Variants in PPP1R2 observed in about 807,000 individuals in gnomAD.
The protein encoded by PPP1R2 is protein phosphatase 1 regulatory inhibitor subunit 2.
Under a neutral mutation model 29.9 loss-of-function variants are expected in PPP1R2, and 16 were observed. The observed-to-expected ratio is 0.53, with a 90% CI of 0.36 to 0.81. The LOEUF (loss-of-function observed/expected upper bound fraction) is 0.81. Ranked by LOEUF, PPP1R2 falls within the 30% of genes least tolerant of loss-of-function variation. The pLI is 0.00. For synonymous variants in PPP1R2, 76 were observed against 91.5 expected, an observed-to-expected ratio of 0.83 and a Z score of 0.96; for missense variants, 197 against 252.7, an observed-to-expected ratio of 0.78 and a Z score of 1.49.
At chr3:195,520,289 C>T (rs1160921053) in intron 4 of PPP1R2, among the ~76,000 whole-genome samples, 1 of 152,126 alleles carries the variant, frequency 6.6e-6, no homozygotes, top group Non-Finnish European at 1.5e-5. Flanking sequence ...GGATTACAGG[C>T]ATGAGCCACT....
Position 195,516,794 on chromosome 3 carries a change from C to A in PPP1R2, c.*102G>T. ...TTGGCAATATATAATAACTGGTATG[C>A]ATTTTGGTACTTAAGTCATGAATTG... On this transcript the variant is annotated 3_prime_UTR_variant, in exon 6 of 6. Transcript: ENST00000618156. 1 of 920,896 alleles carries A rather than the reference C, an allele frequency of 1.1e-6. No individual in the cohort carries two copies. The highest frequency in any genetic ancestry group is 1.7e-6 in the Non-Finnish European group (1 of 577,030). The allele number at this position is 920,896 out of a possible 1,614,324, so 57.0% of individuals were successfully genotyped here.
At chr3:195,523,465 T>C (rs1003867468) in intron 4 of PPP1R2, among the ~76,000 whole-genome samples, 1 of 152,246 alleles carries the variant, frequency 6.6e-6, no homozygotes, top group African/African-American at 2.4e-5. Flanking sequence ...ATAATACTTA[T>C]AATTACTTTA....
intron 2 of PPP1R2, chr3:195,527,911 T>G: frequency 2.7e-6 from 1 of 372,682 alleles, no homozygotes. Flanking sequence ...ACCTGCAATT[T>G]AGGAGAAAAA....
chr3:195,522,694 TACAA>T (rs1342716649), intron 4 of PPP1R2, among the ~76,000 whole-genome samples: 2 of 152,204 alleles, frequency 1.3e-5, no homozygotes, highest in African/African-American at 2.4e-5. Context: ...ATTTCTCTCG[TACAA>T]ATATTAGGCT....
intron 5 of PPP1R2, among the ~76,000 whole-genome samples, chr3:195,518,500 A>T (rs1718632264): frequency 1.3e-5 from 2 of 151,854 alleles, no homozygotes; most frequent in Admixed American, 6.6e-5. Flanking sequence ...AAATACAAAA[A>T]ATCAGCCAGG....
intron 4 of PPP1R2, among the ~76,000 whole-genome samples, chr3:195,522,854 A>C (rs895904001): frequency 6.6e-6 from 1 of 152,204 alleles, no homozygotes; most frequent in African/African-American, 2.4e-5. Context: ...TCCCTACGCC[A>C]CAACACTTCA....
chr3:195,532,198 T>C (rs189593489), intron 1 of PPP1R2, among the ~76,000 whole-genome samples: 16 of 93,600 alleles, frequency 1.7e-4, no homozygotes, highest in African/African-American at 5.7e-4. Flanking sequence ...GCCCAGCTAA[T>C]TTTTCTTTTT....
chr3:195,534,432 T>A (rs1719297165), intron 1 of PPP1R2, among the ~76,000 whole-genome samples: 1 of 152,128 alleles, frequency 6.6e-6, no homozygotes, highest in Non-Finnish European at 1.5e-5. Context: ...ACAAAGGACA[T>A]TTATTTATAA....
intron 4 of PPP1R2, among the ~76,000 whole-genome samples, chr3:195,522,894 C>T (rs147752967): frequency 5.9e-5 from 9 of 152,340 alleles, no homozygotes; most frequent in African/African-American, 1.9e-4. Context: ...TTCCTTCTTC[C>T]TCTTTTTTGT....
chr3:195,528,051 G>T, intron 2 of PPP1R2: 1 of 307,756 alleles, frequency 3.2e-6, no homozygotes, highest in South Asian at 2.7e-5. Flanking sequence ...GGTTACACAG[G>T]TAAGTTCTTC....
At chr3:195,532,616 C>CA (rs1201932990) in intron 1 of PPP1R2, among the ~76,000 whole-genome samples, 7 of 150,270 alleles carry the variant, frequency 4.7e-5, no homozygotes, top group Admixed American at 1.3e-4. Context: ...ATAGAGAAGC[C>CA]AAAAAAAAAT....
In PPP1R2 at chr3:195,515,126, C is replaced by T. The variant is rs1292215673; in HGVS notation, c.*1770G>A. 9 of 191,288 alleles carry T rather than the reference C, an allele frequency of 4.7e-5. No individual in the cohort carries two copies. The East Asian group carries it at 1.4e-3, about 30-fold the overall frequency. The allele number at this position is 191,288 out of a possible 1,614,324, so 11.8% of individuals were successfully genotyped here. A position where few individuals can be genotyped will look rare whatever the true frequency, so the allele number is the denominator to read the frequency against. On this transcript the variant is annotated 3_prime_UTR_variant, in exon 6 of 6. Transcript: ENST00000618156. ...ATGTACAGACTTAATCTCTACATCC[C>T]CCAAGACAGATTTAAACAGGTAATC...
chr3:195,524,834 T>A lies in PPP1R2; in HGVS notation c.293A>T (p.Asp98Val). The change falls in exon 3 of 6, where the codon GAC becomes GTC. Residue 98 changes from aspartate to valine, a missense_variant. Around this residue, in one of 3 missense-constraint regions of PPP1R2, gnomAD observed 135 missense variants for 163.0 expected, o/e 0.83. Transcript: ENST00000618156. ...TAGTACTTACTTCCTGGCTAAGATG[T>A]CTGGCGCCATGGCTTCAGTGGCCTC... ...DTEATEAMAP[D>V]ILARKLAAAE... is the part of the protein sequence containing the mutation. The A allele has an allele frequency of 6.2e-7, 1 of 1,614,174 alleles. No homozygotes were observed. Among genetic ancestry groups the A allele is most frequent in the Non-Finnish European group, 8.5e-7 (1 of 1,180,028 alleles).
chr3:195,529,490 T>C (rs1009187579), intron 2 of PPP1R2: 5 of 200,914 alleles, frequency 2.5e-5, no homozygotes, highest in Non-Finnish European at 5.0e-5. Context: ...AACAAGCCCA[T>C]ATCTCATCTT....
At chr3:195,529,955 A>G in intron 1 of PPP1R2, 54 bp from the exon 2 acceptor site, 1 of 1,267,870 alleles carries the variant, frequency 7.9e-7, no homozygotes, top group Non-Finnish European at 1.1e-6. Flanking sequence ...ATAAACCTGA[A>G]TATCAAAATT....
chr3:195,522,176 C>G lies in PPP1R2; in HGVS notation c.403+1516G>C, dbSNP rs143863514. Among the ~76,000 whole-genome samples the G allele has an allele frequency of 3.1e-4, 47 of 152,276 alleles. No individual in the cohort carries two copies. In the East Asian group the frequency reaches 8.5e-3, roughly 27 times the overall value. On this transcript the variant is annotated intron_variant, in intron 4 of 5. Coordinates refer to ENST00000618156, the MANE Select transcript of PPP1R2 (RefSeq NM_006241.8). Reference sequence around the variant, plus strand: ...TTTAGTAGTCACCAAAATATTTTTACAGCTGCCAATTTAGAAATGAGAAAA... The same window carrying G: ...TTTAGTAGTCACCAAAATATTTTTAGAGCTGCCAATTTAGAAATGAGAAAA...
At chr3:195,526,600 T>C (rs533231279) in intron 2 of PPP1R2, among the ~76,000 whole-genome samples, 2 of 152,210 alleles carry the variant, frequency 1.3e-5, no homozygotes, top group East Asian at 3.9e-4. Context: ...ATAATGGCCA[T>C]AGCTATTCTG....
chr3:195,532,135 A>G (rs932775423), intron 1 of PPP1R2, among the ~76,000 whole-genome samples: 2 of 151,178 alleles, frequency 1.3e-5, no homozygotes, highest in East Asian at 3.9e-4. Flanking sequence ...GACTCAAGTG[A>G]TCCTCCTGCC....
rs1718519385 is a variant in PPP1R2 at position 195,515,710 on chromosome 3, T to C, written c.*1186A>G. ...CTGTCTGTACATTCAGGAATAATCA[T>C]ATCACTGGTTACATACAATTCTCAT... On this transcript the variant is annotated 3_prime_UTR_variant, in exon 6 of 6. Transcript: ENST00000618156. 6.6e-6 allele frequency: 1 copy of C among 152,114 alleles called. No individual in the cohort carries two copies. The highest frequency in any genetic ancestry group is 2.4e-5 in the African/African-American group (1 of 41,446). The allele number at this position is 152,114 out of a possible 1,614,324, so 9.4% of individuals were successfully genotyped here. A position where few individuals can be genotyped will look rare whatever the true frequency, so the allele number is the denominator to read the frequency against.
Sources: allele counts gnomAD v4.1 joint callset (sites outside exome capture counted in the v4.1 genomes callset), GRCh38; gene constraint gnomAD v4.1.1; regional missense constraint gnomAD v4.1.1; transcripts MANE v1.5; gene names NCBI Gene and HGNC (gene_info 2026-07-23, HGNC 2026-07-21).